Variants in DNAI7 observed in about 807,000 individuals in gnomAD.
DNAI7 encodes the protein cancer susceptibility 1.
DNAI7 carries 78 observed loss-of-function variants against 86.6 expected under a neutral mutation model. The observed-to-expected ratio is 0.90, with a 90% CI of 0.75 to 1.09. The LOEUF is 1.09. DNAI7 is among the 50% of genes least tolerant of loss of function. The pLI is 0.00. For missense variants in DNAI7, 753 were observed against 810.2 expected, an observed-to-expected ratio of 0.93 and a Z score of 0.86; for synonymous variants, 274 against 273.0, an observed-to-expected ratio of 1.00 and a Z score of -0.04.
chr12:25,174,049 CAT>C (rs1027770906), intron 2 of DNAI7, among the ~76,000 whole-genome samples: 9 of 145,648 alleles, frequency 6.2e-5, no homozygotes, highest in African/African-American at 2.3e-4. Flanking sequence ...ATATATATAT[CAT>C]ATATATATCA....
At chr12:25,137,230 A>C (rs934965502) in intron 9 of DNAI7, among the ~76,000 whole-genome samples, 1 of 151,074 alleles carries the variant, frequency 6.6e-6, no homozygotes, top group Non-Finnish European at 1.5e-5. Flanking sequence ...TCCTATCTTT[A>C]GCCTCCTTAA....
intron 13 of DNAI7, 32 bp downstream of exon 13, chr12:25,114,624 G>T: frequency 7.0e-7 from 1 of 1,437,334 alleles, no homozygotes; most frequent in Non-Finnish European, 9.8e-7. Context: ...CCTCTGATAC[G>T]ATAGTACATA....
rs767012620 is a variant in DNAI7, at chr12:25,144,478, C to CT, written c.888dup (p.Ala297SerfsTer28). The stretch of plus-strand genomic sequence containing the variant: ...TCTTCTTCGACCTCCTTGCTGATTG[C>CT]TTTTTCTACATTCTTAACATCATCT... On this transcript the variant is annotated frameshift_variant, in exon 9 of 16. Coordinates refer to ENST00000395987, the MANE Select transcript of DNAI7 (RefSeq NM_018272.5). LOFTEE classifies it high-confidence loss of function. 2.5e-6 allele frequency: 4 copies of CT among 1,614,110 alleles called. No homozygotes were observed. The South Asian group carries it at 4.4e-5, about 18-fold the overall frequency.
intron 2 of DNAI7, among the ~76,000 whole-genome samples, chr12:25,189,989 T>C (rs184811420): frequency 1.0e-4 from 2 of 19,084 alleles, no homozygotes; most frequent in African/African-American, 2.7e-4. Flanking sequence ...GCAACTGATT[T>C]AAAAAAAAAA....
At chr12:25,131,553 T>G (rs1399216541) in intron 9 of DNAI7, among the ~76,000 whole-genome samples, 3 of 151,978 alleles carry the variant, frequency 2.0e-5, no homozygotes, top group Non-Finnish European at 4.4e-5. Flanking sequence ...ACTAAAGGGG[T>G]GGAGGATCAG....
intron 9 of DNAI7, among the ~76,000 whole-genome samples, chr12:25,125,408 C>T (rs779916592): frequency 5.9e-5 from 9 of 152,214 alleles, no homozygotes; most frequent in South Asian, 4.1e-4. Context: ...CTAGGCCACA[C>T]GTATGTCTTC....
intron 2 of DNAI7, among the ~76,000 whole-genome samples, chr12:25,184,530 A>G (rs1204629045): frequency 6.6e-6 from 1 of 152,214 alleles, no homozygotes; most frequent in Non-Finnish European, 1.5e-5. Context: ...ACTGATGAAC[A>G]TCTGGGTTGT....
chr12:25,122,182 C>T (rs1941404844), intron 10 of DNAI7, among the ~76,000 whole-genome samples: 1 of 151,968 alleles, frequency 6.6e-6, no homozygotes, highest in African/African-American at 2.4e-5. Flanking sequence ...AAAATGAAAA[C>T]AGGCTGGGGG....
intron 4 of DNAI7, among the ~76,000 whole-genome samples, chr12:25,157,592 AT>A (rs1427115606): frequency 6.6e-6 from 1 of 152,234 alleles, no homozygotes; most frequent in East Asian, 1.9e-4. Flanking sequence ...AATAAAATTT[AT>A]TTTTATCAAC....
rs1210544125 is a variant in DNAI7, at chr12:25,174,594, ATATATATATG to A, written c.22-13407_22-13398del. Among the ~76,000 whole-genome samples the A allele has an allele frequency of 1.3e-4, 9 of 67,828 alleles. 1 individual carries two copies. Among genetic ancestry groups the A allele is most frequent in the African/African-American group, 4.8e-4 (7 of 14,696 alleles). The allele number at this position is 67,828 out of a possible 152,430, so 44.5% of individuals were successfully genotyped here. A position where few individuals can be genotyped will look rare whatever the true frequency, so the allele number is the denominator to read the frequency against. On this transcript the variant is annotated intron_variant, in intron 2 of 15. Transcript: ENST00000395987. ...ATGGGATATATATCATATATATGGG[ATATATATATG>A]ATATATATATCATATATATGGGATA...
chr12:25,171,016 C>A (rs1231830846), intron 2 of DNAI7, among the ~76,000 whole-genome samples: 1 of 151,980 alleles, frequency 6.6e-6, no homozygotes, highest in Admixed American at 6.6e-5. Flanking sequence ...ATGCCTACAT[C>A]AAAAAATCTG....
chr12:25,191,988 A>T (rs1474084251), intron 1 of DNAI7, among the ~76,000 whole-genome samples: 5 of 152,268 alleles, frequency 3.3e-5, no homozygotes, highest in Admixed American at 1.3e-4. Context: ...CCATAAGATT[A>T]TACTGTGTAA....
intron 3 of DNAI7, 115 bp from the exon 4 acceptor site, chr12:25,158,678 A>C: frequency 6.7e-7 from 1 of 1,501,404 alleles, no homozygotes; most frequent in Non-Finnish European, 8.8e-7. Context: ...TAGAAGTCAC[A>C]GTCTTTATTA....
chr12:25,162,343 T>C (rs940703798), intron 2 of DNAI7, among the ~76,000 whole-genome samples: 3 of 152,184 alleles, frequency 2.0e-5, no homozygotes, highest in Non-Finnish European at 2.9e-5. Context: ...AAAAATAATT[T>C]ACATATAATT....
At chr12:25,168,109 G>A (rs1015041456) in intron 2 of DNAI7, among the ~76,000 whole-genome samples, 15 of 152,060 alleles carry the variant, frequency 9.9e-5, no homozygotes, top group African/African-American at 2.7e-4. Context: ...AACCTCTGAC[G>A]GCTGCCGCCC....
intron 2 of DNAI7, among the ~76,000 whole-genome samples, chr12:25,161,784 GACA>G (rs1330037208): frequency 2.6e-5 from 4 of 152,186 alleles, no homozygotes; most frequent in Non-Finnish European, 4.4e-5. Flanking sequence ...GCATTGGATG[GACA>G]ACAAGTTCAG....
At chr12:25,174,039 A>G (rs1948473660) in intron 2 of DNAI7, among the ~76,000 whole-genome samples, 1 of 148,752 alleles carries the variant, frequency 6.7e-6, no homozygotes, top group South Asian at 2.1e-4. Flanking sequence ...TATTTATGGA[A>G]TATATATATC....
chr12:25,133,813 T>G (rs935244667), intron 9 of DNAI7, among the ~76,000 whole-genome samples: 1 of 152,172 alleles, frequency 6.6e-6, no homozygotes, highest in African/African-American at 2.4e-5. Flanking sequence ...ACCTGTCCCT[T>G]TCTAAATCCC....
chr12:25,113,256 T>A (rs561495833), intron 13 of DNAI7, among the ~76,000 whole-genome samples: 1 of 150,212 alleles, frequency 6.7e-6, no homozygotes, highest in South Asian at 2.1e-4. Flanking sequence ...CCATCTCCCA[T>A]CTCACCTAGT....
Sources: allele counts gnomAD v4.1 joint callset (sites outside exome capture counted in the v4.1 genomes callset), GRCh38; gene constraint gnomAD v4.1.1; transcripts MANE v1.5; gene names NCBI Gene and HGNC (gene_info 2026-07-23, HGNC 2026-07-21).